Variants in CTNNA2 observed in about 807,000 individuals in gnomAD.
The protein encoded by CTNNA2 is catenin alpha 2, also known as catenin alpha-2.
Under a neutral mutation model 101.0 loss-of-function variants are expected in CTNNA2, and 42 were observed. The ratio of observed to expected loss-of-function variants is 0.42; its 90% confidence interval spans 0.32 to 0.54. CTNNA2 has a LOEUF of 0.54. Among genes scored for constraint, CTNNA2 ranks in the 20% least tolerant of loss-of-function variants. The probability of loss-of-function intolerance (pLI) is 0.14; values close to 1 mark genes in which losing one functional copy is unlikely to be tolerated. For synonymous variants in CTNNA2, 450 were observed against 456.4 expected (o/e 0.99, Z 0.18); for missense variants, 871 against 1,223.1 (o/e 0.71, Z 4.29).
intron 8 of CTNNA2, among the ~76,000 whole-genome samples, chr2:80,400,772 C>A (rs1361559709): frequency 6.6e-6 from 1 of 152,164 alleles, no homozygotes; most frequent in African/African-American, 2.4e-5. Flanking sequence ...GTCCATTGCT[C>A]CTCTCCACTG....
At chr2:79,958,746 C>A (rs938346698) in intron 7 of CTNNA2, among the ~76,000 whole-genome samples, 1 of 151,894 alleles carries the variant, frequency 6.6e-6, no homozygotes, top group Non-Finnish European at 1.5e-5. Context: ...CAAGAATAAA[C>A]AATACACTTT....
rs185503812 is a variant in CTNNA2, at chr2:80,294,878, C to T, written c.1057-98333C>T. 9.2e-4 allele frequency among the ~76,000 whole-genome samples: 140 copies of T among 152,256 alleles called. 1 individual carries two copies. The highest frequency in any genetic ancestry group is 3.2e-3 in the African/African-American group (135 of 41,576). On this transcript the variant is annotated intron_variant, in intron 7 of 18. Transcript: ENST00000402739. ...GAGGGAAAATAACTTTACAACATTA[C>T]ATTGAGAACAGACAAATAGCTAACC...
Position 79,980,574 on chromosome 2 carries a change from A to G in CTNNA2, c.1056+70777A>G, listed in dbSNP as rs995541078. On this transcript the variant is annotated intron_variant, in intron 7 of 18. Coordinates refer to ENST00000402739, the MANE Select transcript of CTNNA2 (RefSeq NM_001282597.3). ...TTTTGAAACCTCATTTGTAATATTT[A>G]TATGGATATTTATAAACCTCATTAT... 5.4e-4 allele frequency among the ~76,000 whole-genome samples: 82 copies of G among 152,278 alleles called. 1 individual carries two copies. Among genetic ancestry groups the G allele is most frequent in the African/African-American group, 1.3e-3 (52 of 41,576 alleles).
intron 7 of CTNNA2, among the ~76,000 whole-genome samples, chr2:80,170,661 A>G (rs557318958): frequency 7.2e-5 from 11 of 152,326 alleles, no homozygotes; most frequent in African/African-American, 2.6e-4. Context: ...TTATCCGATG[A>G]AATAATATGC....
chr2:79,328,517 C>T (rs1676798631), intron 3 of CTNNA2, among the ~76,000 whole-genome samples: 1 of 152,060 alleles, frequency 6.6e-6, no homozygotes, highest in Admixed American at 6.6e-5. Flanking sequence ...TTCACATTTG[C>T]TATTGCAGAG....
At chr2:79,438,721 C>G (rs1171447311) in intron 4 of CTNNA2, among the ~76,000 whole-genome samples, 1 of 152,154 alleles carries the variant, frequency 6.6e-6, no homozygotes, top group African/African-American at 2.4e-5. Context: ...CCTAGGCCAG[C>G]AATCCTCAAA....
At chr2:79,565,631 A>G (rs2104166725) in intron 1 of CTNNA2, among the ~76,000 whole-genome samples, 1 of 152,260 alleles carries the variant, frequency 6.6e-6, no homozygotes, top group East Asian at 1.9e-4. Context: ...TGCTTCACTC[A>G]TGCTAGTGGT....
At chr2:79,442,377 C>A (rs1352716307) in intron 4 of CTNNA2, among the ~76,000 whole-genome samples, 1 of 152,078 alleles carries the variant, frequency 6.6e-6, no homozygotes, top group African/African-American at 2.4e-5. Flanking sequence ...ACATAAGGAC[C>A]TCTAGTTGAA....
intron 9 of CTNNA2, among the ~76,000 whole-genome samples, chr2:80,512,254 A>G (rs948030962): frequency 6.6e-6 from 1 of 152,098 alleles, no homozygotes. Context: ...TTTTAAAAAT[A>G]TACAAATAAA....
intron 7 of CTNNA2, among the ~76,000 whole-genome samples, chr2:80,177,076 G>A (rs1705438560): frequency 6.6e-6 from 1 of 152,106 alleles, no homozygotes; most frequent in African/African-American, 2.4e-5. Context: ...ATTGTAATTT[G>A]ACTTCAAAAG....
chr2:80,233,618 G>A (rs1483950927), intron 7 of CTNNA2, among the ~76,000 whole-genome samples: 1 of 152,100 alleles, frequency 6.6e-6, no homozygotes, highest in Non-Finnish European at 1.5e-5. Flanking sequence ...TAATTATATT[G>A]ACATGGATTT....
intron 3 of CTNNA2, among the ~76,000 whole-genome samples, chr2:79,325,413 T>C (rs1481017974): frequency 3.3e-5 from 5 of 152,222 alleles, no homozygotes; most frequent in Admixed American, 6.5e-5. Flanking sequence ...AAGAATGTCA[T>C]TGTTTTCATT....
intron 3 of CTNNA2, among the ~76,000 whole-genome samples, chr2:79,786,234 TG>T (rs1277930553): frequency 1.3e-5 from 2 of 151,984 alleles, no homozygotes; most frequent in African/African-American, 4.8e-5. Context: ...TAAGTAGACA[TG>T]GTTTTTTTTT....
chr2:79,701,262 A>T (rs1463646110), intron 2 of CTNNA2, among the ~76,000 whole-genome samples: 1 of 152,146 alleles, frequency 6.6e-6, no homozygotes, highest in African/African-American at 2.4e-5. Context: ...CCAGAATCAC[A>T]TAACTAGTGA....
intron 9 of CTNNA2, among the ~76,000 whole-genome samples, chr2:80,433,761 T>G (rs758079563): frequency 7.2e-5 from 11 of 152,222 alleles, no homozygotes; most frequent in Non-Finnish European, 1.2e-4. Flanking sequence ...ATGGTCCTCC[T>G]GTCACCAGAA....
chr2:79,837,791 A>ATTTAGCCTATGGGAAAATAATACT (rs1181307518), intron 3 of CTNNA2, among the ~76,000 whole-genome samples: 2 of 152,248 alleles, frequency 1.3e-5, no homozygotes, highest in African/African-American at 4.8e-5. Flanking sequence ...GTTTTTCAAC[A>ATTTAGCCTATGGGAAAATAATACT]TTTAGCCTAT....
At chr2:79,930,912 A>G (rs574777282) in intron 7 of CTNNA2, among the ~76,000 whole-genome samples, 6 of 152,332 alleles carry the variant, frequency 3.9e-5, no homozygotes, top group African/African-American at 1.4e-4. Flanking sequence ...CAACAGTATG[A>G]AGCAGATTTT....
intron 7 of CTNNA2, among the ~76,000 whole-genome samples, chr2:80,100,297 T>G (rs1700465234): frequency 6.6e-6 from 1 of 152,196 alleles, no homozygotes; most frequent in African/African-American, 2.4e-5. Context: ...CTATAGGTAA[T>G]ACATCCTGAA....
At position 80,164,950 on chromosome 2, in the gene CTNNA2, T is replaced by TTGTTTTGTTTTG. The variant is rs1553461430; in HGVS notation, c.1057-228260_1057-228259insGTTTTGTTTTGT. On this transcript the variant is annotated intron_variant, in intron 7 of 18. Coordinates refer to ENST00000402739, the MANE Select transcript of CTNNA2 (RefSeq NM_001282597.3). ...TTTCCCAACTTTTGGTTTTTTTTTT[T>TTGTTTTGTTTTG]TTTTTTTCTAGATAAGACTTGTATT... Among the ~76,000 whole-genome samples, 55 of 148,846 alleles carry TTGTTTTGTTTTG rather than the reference T, an allele frequency of 3.7e-4. 1 individual carries two copies. In the South Asian group the frequency reaches 4.9e-3, roughly 13 times the overall value.
Sources: allele counts gnomAD v4.1 joint callset (sites outside exome capture counted in the v4.1 genomes callset), GRCh38; gene constraint gnomAD v4.1.1; transcripts MANE v1.5; gene names NCBI Gene and HGNC (gene_info 2026-07-23, HGNC 2026-07-21).